PLEKHH3: variants seen among roughly 807,000 people sequenced by gnomAD.
PLEKHH3 encodes the protein pleckstrin homology, MyTH4 and FERM domain containing H3.
A neutral mutation model predicts 77.8 loss-of-function variants in PLEKHH3; 57 were observed. That is an observed-to-expected ratio of 0.73 (90% CI 0.59 to 0.91). The LOEUF is 0.91. Ranked by LOEUF, PLEKHH3 falls within the 40% of genes least tolerant of loss-of-function variation. PLEKHH3 has a pLI of 0.00. For synonymous variants in PLEKHH3, 467 were observed against 504.8 expected (o/e 0.93, Z 1.00); for missense variants, 1,082 against 1,091.2 (o/e 0.99, Z 0.12).
intron 2 of PLEKHH3, 71 bp from the exon 3 acceptor site, chr17:42,674,084 G>T: frequency 6.7e-7 from 1 of 1,484,752 alleles, no homozygotes; most frequent in South Asian, 1.2e-5. Flanking sequence ...GGGCTCCCCA[G>T]ACCGCACGGG....
Position 42,676,298 on chromosome 17 carries a change from G to T in PLEKHH3, c.162+104C>A, listed in dbSNP as rs1406282815. On this transcript the variant is annotated intron_variant, in intron 1 of 12. Transcript: ENST00000591022. This position sits in a 1 kb window ranked among gnomAD's most constrained non-coding sequence, Gnocchi z 6.6. ...GGCAAAAAACTCTCCCTCATCCCTA[G>T]TTCGCCAAGCGCGCAGCGTGTGGCT... 1.3e-6 allele frequency: 2 copies of T among 1,547,540 alleles called. No homozygotes were observed. The highest frequency in any genetic ancestry group is 1.4e-5 in the African/African-American group (1 of 73,052).
rs1164896353 is a variant in PLEKHH3 at position 42,676,530 on chromosome 17, A to G, written c.34T>C (p.Cys12Arg). 1.9e-6 allele frequency: 3 copies of G among 1,585,562 alleles called. No homozygotes were observed. The highest frequency in any genetic ancestry group is 3.6e-5 in the Admixed American group (2 of 55,694). The change falls in exon 1 of 13, where the codon TGC (cysteine) becomes CGC (arginine). Residue 12 changes from cysteine to arginine, a missense_variant. Physicochemically the swap from Cys to Arg is radical, Grantham distance 180. This residue lies in a region of PLEKHH3 where 344 missense variants were observed against 320.8 expected (regional missense o/e 1.07). Transcript: ENST00000591022. This position sits in a 1 kb window ranked among gnomAD's most constrained non-coding sequence, Gnocchi z 6.6. ...PLPGGLWWLLCCRRGFTLLHR... is the reference protein window; with the variant it reads ...PLPGGLWWLLRCRRGFTLLHR... ...AGAAGAGTGAAGCCTCGACGGCAGC[A>G]GAGAAGCCACCATAGTCCCCCGGGG...
Position 42,676,364 on chromosome 17 carries a change from G to C in PLEKHH3, c.162+38C>G. 1 of 1,609,910 alleles carries C rather than the reference G, an allele frequency of 6.2e-7. No homozygotes were observed. Among genetic ancestry groups the C allele is most frequent in the Non-Finnish European group, 8.5e-7 (1 of 1,177,942 alleles). On this transcript the variant is annotated intron_variant, in intron 1 of 12. Transcript: ENST00000591022. The surrounding 1 kb of genome is among the most constrained non-coding windows in gnomAD (Gnocchi z 6.6). ...TCAGCGTGACGGCCGGTTACAGCGAGAGTGATTGAGACGAGGCTCCGAACC... is the reference window on the plus strand; with the variant it reads ...TCAGCGTGACGGCCGGTTACAGCGACAGTGATTGAGACGAGGCTCCGAACC...
chr17:42,669,832 AC>A (rs2052643655), intron 11 of PLEKHH3, 85 bp downstream of exon 11: 1 of 1,566,264 alleles, frequency 6.4e-7, no homozygotes, highest in South Asian at 1.2e-5. Flanking sequence ...GTGGGGAATT[AC>A]GTGACACTCC....
chr17:42,669,961 G>GGACACTGCGCC lies in PLEKHH3; in HGVS notation c.1959_1969dup (p.Pro657ArgfsTer17). Reference sequence around the variant, plus strand: ...GTCATACCGAGCAGCGCCGAACCCCGGACACTGCGCCGCCAGGGCCAGGTA... The same window carrying GGACACTGCGCC: ...GTCATACCGAGCAGCGCCGAACCCCGGACACTGCGCCGACACTGCGCCGCCAGGGCCAGGTA... On this transcript the variant is annotated frameshift_variant, in exon 11 of 13. Coordinates refer to ENST00000591022, the MANE Select transcript of PLEKHH3 (RefSeq NM_024927.5). LOFTEE classifies it high-confidence loss of function. 6.2e-7 allele frequency: 1 copy of GGACACTGCGCC among 1,613,006 alleles called. No individual in the cohort carries two copies. The highest frequency in any genetic ancestry group is 8.5e-7 in the Non-Finnish European group (1 of 1,179,872).
Position 42,670,150 on chromosome 17 carries a change from G to T in PLEKHH3, c.1781C>A (p.Pro594Gln). Residue 594 changes from proline to glutamine, a missense_variant, in exon 11 of 13, where the codon CCG (proline) becomes CAG (glutamine). Coordinates refer to ENST00000591022, the MANE Select transcript of PLEKHH3 (RefSeq NM_024927.5). ...CTCCGCCCGCCTCTTGGCCAGGCCC[G>T]GGCTCCAGAGCGCCCCGGCCAGCAG... ...AALLAGALWS[P>Q]GLAKRRAERA... The T allele has an allele frequency of 8.1e-7, 1 of 1,231,722 alleles. No individual in the cohort carries two copies. Among genetic ancestry groups the T allele is most frequent in the Non-Finnish European group, 1.0e-6 (1 of 991,144 alleles). 76.3% of individuals were successfully genotyped at this position (1,231,722 alleles called of 1,614,324 possible).
rs769761569 is a variant in PLEKHH3 at position 42,671,483 on chromosome 17, G to C, written c.1152C>G (p.Arg384=). The C allele has an allele frequency of 6.2e-7, 1 of 1,613,058 alleles. No individual in the cohort carries two copies. The highest frequency in any genetic ancestry group is 2.2e-5 in the East Asian group (1 of 44,888). ...CCAGCGAGGGCACCAGCTCTCTGCC[G>C]CGCGTCCGGCCCAGCGCTTTCCGGA... The part of the protein sequence containing the change: ...RFIRKALGRT[R]GRELVPSLAE... The change falls in exon 8 of 13, where the codon CGC becomes CGG. Residue 384 remains arginine (R), a synonymous_variant. Coordinates refer to ENST00000591022, the MANE Select transcript of PLEKHH3 (RefSeq NM_024927.5). The surrounding 1 kb of genome is among the most constrained non-coding windows in gnomAD (Gnocchi z 4.7).
intron 9 of PLEKHH3, 96 bp from the exon 10 acceptor site, chr17:42,670,801 G>A (rs1231207654): frequency 3.3e-6 from 5 of 1,520,846 alleles, no homozygotes; most frequent in Non-Finnish European, 3.5e-6. Flanking sequence ...TTGGGGCGGG[G>A]CCTGGGCGGA....
At position 42,669,661 on chromosome 17, in the gene PLEKHH3, C is replaced by T. The variant is rs577912097; in HGVS notation, c.2014-40G>A. ...GCAGAGTCAGGGTGGAAGGAGGAGC[C>T]CAGCGTTATTTTTGGTAGGGGGAGA... On this transcript the variant is annotated intron_variant, in intron 11 of 12. Coordinates refer to ENST00000591022, the MANE Select transcript of PLEKHH3 (RefSeq NM_024927.5). The T allele has an allele frequency of 2.5e-6, 4 of 1,573,320 alleles. No homozygotes were observed. In the East Asian group the frequency reaches 6.8e-5, roughly 27 times the overall value.
intron 1 of PLEKHH3, among the ~76,000 whole-genome samples, chr17:42,675,492 G>A (rs2052801887): frequency 6.6e-6 from 1 of 152,066 alleles, no homozygotes. Flanking sequence ...TCCCCTAATC[G>A]CAGTGCCCTG....
chr17:42,671,375 G>C lies in PLEKHH3; in HGVS notation c.1260C>G (p.Ile420Met), dbSNP rs1460180256. 1 of 1,612,964 alleles carries C rather than the reference G, an allele frequency of 6.2e-7. No individual in the cohort carries two copies. The highest frequency in any genetic ancestry group is 8.5e-7 in the Non-Finnish European group (1 of 1,179,946). The change falls in exon 8 of 13, where the codon ATC becomes ATG. Residue 420 changes from isoleucine to methionine, a missense_variant. Coordinates refer to ENST00000591022, the MANE Select transcript of PLEKHH3 (RefSeq NM_024927.5). This position sits in a 1 kb window ranked among gnomAD's most constrained non-coding sequence, Gnocchi z 4.7. ...CPGAGACAVA[I>M]DSHTTAGEVA... ...CCTCCCCCGCCGTGGTGTGGGAGTC[G>C]ATGGCCACAGCACAGGCACCAGCCC...
chr17:42,670,011 C>A lies in PLEKHH3; in HGVS notation c.1920G>T (p.Met640Ile). 6.3e-7 allele frequency: 1 copy of A among 1,595,912 alleles called. No individual in the cohort carries two copies. Residue 640 changes from methionine (M) to isoleucine (I), a missense_variant, in exon 11 of 13, where the codon ATG (methionine) becomes ATT (isoleucine). Physicochemically the swap from Met to Ile is conservative, Grantham distance 10. Around this residue, in one of 3 missense-constraint regions of PLEKHH3, gnomAD observed 733 missense variants for 750.0 expected, o/e 0.98. Transcript: ENST00000591022. The part of the protein sequence containing the change: ...VLGGWKRLRG[M>I]GRAEAMAAYL... ...AGGCGGCCATGGCCTCAGCTCGGCC[C>A]ATGCCCCGTAGCCGCTTCCAGCCGC... is the stretch of plus-strand genomic sequence containing the variant.
intron 1 of PLEKHH3, among the ~76,000 whole-genome samples, chr17:42,675,293 G>A (rs913661137): frequency 6.6e-6 from 1 of 152,154 alleles, no homozygotes; most frequent in Non-Finnish European, 1.5e-5. Flanking sequence ...GCTCAGGGAA[G>A]GGGGGAGTTG....
chr17:42,672,506 A>C, intron 6 of PLEKHH3, 114 bp from the exon 7 acceptor site: 1 of 651,562 alleles, frequency 1.5e-6, no homozygotes, highest in Non-Finnish European at 2.4e-6. Flanking sequence ...ATGGGGTGGC[A>C]GGGAGGGGAG....
chr17:42,671,014 G>T lies in PLEKHH3; in HGVS notation c.1401C>A (p.Asp467Glu). ...TTTACTTCTCAAACCTGGTGAGCACGTCGGCCACGAGGGTCCCCCCAGCCA... is the reference window on the plus strand; with the variant it reads ...TTTACTTCTCAAACCTGGTGAGCACTTCGGCCACGAGGGTCCCCCCAGCCA... ...RALAGGTLVA[D>E]VLTRFENLAA... Residue 467 changes from aspartate to glutamate, a missense_variant, in exon 9 of 13, where the codon GAC becomes GAA. This residue lies in a region of PLEKHH3 where 733 missense variants were observed against 750.0 expected (regional missense o/e 0.98). Transcript: ENST00000591022. The surrounding 1 kb of genome is among the most constrained non-coding windows in gnomAD (Gnocchi z 4.7). The T allele has an allele frequency of 1.2e-6, 2 of 1,609,974 alleles. No homozygotes were observed. The highest frequency in any genetic ancestry group is 1.7e-6 in the Non-Finnish European group (2 of 1,178,934).
Position 42,669,623 on chromosome 17 carries a change from T to G in PLEKHH3, c.2014-2A>C, listed in dbSNP as rs2052638171. The G allele has an allele frequency of 6.3e-7, 1 of 1,599,248 alleles. No homozygotes were observed. The highest frequency in any genetic ancestry group is 8.6e-7 in the Non-Finnish European group (1 of 1,169,406). ...CTGTGGAGCACCCCGACCAGGCTCC[T>G]GCAGACAGAGAGGCAGAGTCAGGGT... On this transcript the variant is annotated splice_acceptor_variant, in intron 11 of 12. Coordinates refer to ENST00000591022, the MANE Select transcript of PLEKHH3 (RefSeq NM_024927.5). LOFTEE classifies it high-confidence loss of function.
Position 42,670,030 on chromosome 17 carries a change from C to G in PLEKHH3, c.1901G>C (p.Trp634Ser). ...TCGGCCCATGCCCCGTAGCCGCTTC[C>G]AGCCGCCCAGCACGGCAGCTGCCGT... ...AGTAAAVLGG[W>S]KRLRGMGRAE... The change falls in exon 11 of 13, where the codon TGG becomes TCG. Residue 634 changes from tryptophan to serine, a missense_variant. Transcript: ENST00000591022. The G allele has an allele frequency of 6.4e-7, 1 of 1,570,494 alleles. No homozygotes were observed. The highest frequency in any genetic ancestry group is 8.6e-7 in the Non-Finnish European group (1 of 1,163,750).
chr17:42,672,061 G>A lies in PLEKHH3; in HGVS notation c.1076+25C>T. 2.8e-6 allele frequency: 4 copies of A among 1,448,376 alleles called. No homozygotes were observed. The South Asian group carries it at 4.4e-5, about 16-fold the overall frequency. The allele number at this position is 1,448,376 out of a possible 1,614,324, so 89.7% of individuals were successfully genotyped here. On this transcript the variant is annotated intron_variant, in intron 7 of 12. Coordinates refer to ENST00000591022, the MANE Select transcript of PLEKHH3 (RefSeq NM_024927.5). ...AGCCCGGTAGCTCCTCGCCTAGGCC[G>A]TAACCCCCACCTCGCCCCTCTCACC...
Position 42,671,260 on chromosome 17 carries a change from G to T in PLEKHH3, c.1284+91C>A. 6.5e-7 allele frequency: 1 copy of T among 1,538,994 alleles called. No individual in the cohort carries two copies. On this transcript the variant is annotated intron_variant, in intron 8 of 12. Transcript: ENST00000591022. This position sits in a 1 kb window ranked among gnomAD's most constrained non-coding sequence, Gnocchi z 4.7. The stretch of plus-strand genomic sequence containing the variant: ...TCCCTTACCAAAATAATCTAGACTC[G>T]GGGCAAACCTAGGGTCCAGGAAGAG...
Sources: gnomAD v4.1 joint callset for allele counts (sites outside exome capture counted in the v4.1 genomes callset) on GRCh38, gnomAD v4.1.1 for gene constraint, gnomAD v4.1.1 regional missense constraint, Gnocchi (gnomAD v3.1) non-coding constraint, MANE v1.5 for transcripts, NCBI Gene and HGNC (gene_info 2026-07-23, HGNC 2026-07-21) for gene names.